REPS2: variants seen among roughly 807,000 people sequenced by gnomAD.
The protein encoded by REPS2 is ralBP1-associated Eps domain-containing protein 2.
REPS2 carries 23 observed loss-of-function variants against 53.6 expected under a neutral mutation model. The ratio of observed to expected loss-of-function variants is 0.43; its 90% CI spans 0.31 to 0.61. REPS2 has a LOEUF of 0.61. Among genes scored for constraint, REPS2 ranks in the 20% least tolerant of loss-of-function variants. The pLI, the probability that REPS2 is intolerant of heterozygous loss-of-function variation, is 0.11. For synonymous variants in REPS2, 238 were observed against 218.6 expected (o/e 1.09, Z -0.78); for missense variants, 446 against 534.9 (o/e 0.83, Z 1.64).
intron 1 of REPS2, among the ~76,000 whole-genome samples, chrX:16,967,894 G>T (rs2060793671): frequency 9.3e-6 from 1 of 107,338 alleles, no homozygotes; most frequent in African/African-American, 3.4e-5. Flanking sequence ...CGCAGAGGGG[G>T]ATTTGGCAGG....
chrX:16,973,342 G>A (rs2060917659), intron 1 of REPS2, among the ~76,000 whole-genome samples: 2 of 111,171 alleles, frequency 1.8e-5, no homozygotes, highest in South Asian at 3.8e-4. Flanking sequence ...TTTGAGACTA[G>A]GCAGATATCC....
intron 1 of REPS2, among the ~76,000 whole-genome samples, chrX:16,985,222 G>C (rs1263675479): frequency 1.8e-5 from 2 of 111,687 alleles, no homozygotes; most frequent in Non-Finnish European, 3.8e-5. Flanking sequence ...ACTTGATTTT[G>C]AGCTTTTGGG....
Position 17,149,101 on chromosome X carries a change from G to T in REPS2, c.*1620G>T. 1.1e-5 allele frequency: 3 copies of T among 271,874 alleles called. No homozygotes were observed. The highest frequency in any genetic ancestry group is 4.3e-5 in the Admixed American group (1 of 23,283). 22.4% of individuals were successfully genotyped at this position (271,874 alleles called of 1,213,427 possible). On this transcript the variant is annotated 3_prime_UTR_variant, in exon 18 of 18. Coordinates refer to ENST00000357277, the MANE Select transcript of REPS2 (RefSeq NM_004726.3). ...TATTCCGTGCATATTTAAGGATTTT[G>T]AATTGATTTTGAAAATCATGAAACT... is the stretch of plus-strand genomic sequence containing the variant.
intron 1 of REPS2, among the ~76,000 whole-genome samples, chrX:16,971,542 T>G (rs920114827): frequency 8.0e-5 from 9 of 112,370 alleles, no homozygotes; most frequent in Non-Finnish European, 1.3e-4. Flanking sequence ...AGTTTATTTA[T>G]TGTTTTCTAT....
chrX:16,970,379 G>C (rs776385356), intron 1 of REPS2, among the ~76,000 whole-genome samples: 2 of 110,823 alleles, frequency 1.8e-5, no homozygotes, highest in South Asian at 3.8e-4. Context: ...TGTATTTTTA[G>C]TAGAGATGGG....
rs3222673 is a variant in REPS2, at chrX:17,030,314, G to GGTGTGTGT, written c.771+713_771+720dup. 3.2e-3 allele frequency among the ~76,000 whole-genome samples: 326 copies of GGTGTGTGT among 101,908 alleles called. 2 individuals carry two copies. The highest frequency in any genetic ancestry group is 0.01 in the African/African-American group (283 of 27,947). 88.5% of individuals were successfully genotyped at this position (101,908 alleles called of 115,157 possible). ...TGGGGAAGTTATATTCTCAAAGAAG[G>GGTGTGTGT]GTGTGTGTGTGTGTGTGTGTGTGTG... On this transcript the variant is annotated intron_variant, in intron 5 of 17. Transcript: ENST00000357277.
chrX:17,021,894 C>T (rs779313087), intron 2 of REPS2, among the ~76,000 whole-genome samples: 52 of 112,128 alleles, frequency 4.6e-4, no homozygotes, highest in Admixed American at 9.5e-4. Flanking sequence ...ATTTATTCTG[C>T]GATTTGGCAA....
intron 2 of REPS2, among the ~76,000 whole-genome samples, chrX:17,015,679 G>T (rs1265689107): frequency 9.2e-6 from 1 of 108,730 alleles, no homozygotes; most frequent in Non-Finnish European, 1.9e-5. Context: ...TTTTGTCCTT[G>T]CAATAGTTTG....
chrX:17,039,263 A>G (rs907679993), intron 5 of REPS2, among the ~76,000 whole-genome samples: 1 of 112,328 alleles, frequency 8.9e-6, no homozygotes, highest in African/African-American at 3.2e-5. Context: ...CCCTTCTGGA[A>G]CAGCAAATCT....
intron 14 of REPS2, among the ~76,000 whole-genome samples, chrX:17,127,268 A>G (rs2063226584): frequency 8.9e-6 from 1 of 112,035 alleles, no homozygotes; most frequent in African/African-American, 3.3e-5. Context: ...TTTTCCCCAG[A>G]TATGAGTTAC....
At chrX:17,140,303 C>A (rs775739622) in intron 17 of REPS2, among the ~76,000 whole-genome samples, 2 of 110,578 alleles carry the variant, frequency 1.8e-5, no homozygotes, top group Non-Finnish European at 3.8e-5. Context: ...TCTGAAATGG[C>A]TTTTATAACT....
At chrX:16,977,814 A>G (rs2147717798) in intron 1 of REPS2, among the ~76,000 whole-genome samples, 1 of 110,783 alleles carries the variant, frequency 9.0e-6, no homozygotes, top group Admixed American at 9.6e-5. Context: ...GTGGCTTAGG[A>G]TAACCATTTT....
chrX:16,983,252 A>C (rs1470004655), intron 1 of REPS2, among the ~76,000 whole-genome samples: 2 of 112,059 alleles, frequency 1.8e-5, no homozygotes, highest in African/African-American at 6.5e-5. Context: ...ATTATGTGAC[A>C]GAGCTTGGCA....
intron 1 of REPS2, among the ~76,000 whole-genome samples, chrX:16,965,549 C>T (rs970735449): frequency 1.4e-4 from 15 of 108,042 alleles, no homozygotes; most frequent in African/African-American, 2.0e-4. Context: ...ACTTCTCAGA[C>T]GGGGCGTCCG....
At chrX:17,176,958 G>A in the REPS2 span, among the ~76,000 whole-genome samples, 2 of 112,138 alleles carry the variant, frequency 1.8e-5, no homozygotes, top group African/African-American at 3.2e-5. Flanking sequence ...TCTCCTCCTC[G>A]GTGTGTTTTC....
At chrX:17,013,273 G>A (rs1482495822) in intron 2 of REPS2, among the ~76,000 whole-genome samples, 1 of 112,180 alleles carries the variant, frequency 8.9e-6, no homozygotes, top group East Asian at 2.8e-4. Context: ...TAAGGATCAA[G>A]ACTTAGGAAC....
chrX:17,093,779 C>CTT lies in REPS2; in HGVS notation c.1517-9929_1517-9928dup, dbSNP rs35491027. Among the ~76,000 whole-genome samples the CTT allele has an allele frequency of 3.2e-3, 335 of 103,989 alleles. 1 individual carries two copies. Among genetic ancestry groups the CTT allele is most frequent in the East Asian group, 5.4e-3 (18 of 3,308 alleles). The allele number at this position is 103,989 out of a possible 115,157, so 90.3% of individuals were successfully genotyped here. On this transcript the variant is annotated intron_variant, in intron 13 of 17. Transcript: ENST00000357277. The stretch of plus-strand genomic sequence containing the variant: ...GCCATGTAAGACATATAGTAAATTA[C>CTT]TTTTTTTTTTTACTTGCACAGGTTT...
intron 14 of REPS2, among the ~76,000 whole-genome samples, chrX:17,129,891 C>A (rs774807243): frequency 1.8e-5 from 2 of 112,063 alleles, no homozygotes; most frequent in South Asian, 7.5e-4. Flanking sequence ...AACCAACTAA[C>A]TGAAAGGCAG....
chrX:17,077,367 C>G lies in REPS2; in HGVS notation c.1476C>G (p.Ser492=). 1 of 1,209,944 alleles carries G rather than the reference C, an allele frequency of 8.3e-7. No individual in the cohort carries two copies. Among genetic ancestry groups the G allele is most frequent in the Non-Finnish European group, 1.1e-6 (1 of 894,690 alleles). Residue 492 remains serine, a synonymous_variant, in exon 13 of 18, where the codon TCC becomes TCG. Coordinates refer to ENST00000357277, the MANE Select transcript of REPS2 (RefSeq NM_004726.3). ...CACAGAAAACCCATTCCAGAGCCTC[C>G]TCCTTGGATCTGAATAAAGTCTTCC... is the stretch of plus-strand genomic sequence containing the variant. ...PRPQKTHSRA[S]SLDLNKVFQP...
Sources: allele counts gnomAD v4.1 joint callset (sites outside exome capture counted in the v4.1 genomes callset), GRCh38; gene constraint gnomAD v4.1.1; transcripts MANE v1.5; gene names NCBI Gene and HGNC (gene_info 2026-07-23, HGNC 2026-07-21).